Variants in TACC2 observed in about 807,000 individuals in gnomAD.
TACC2 encodes transforming acidic coiled-coil-containing protein 2.
TACC2 carries 137 observed loss-of-function variants against 227.3 expected under a neutral mutation model. The ratio of observed to expected loss-of-function variants is 0.60; its 90% CI spans 0.52 to 0.69. The LOEUF (loss-of-function observed/expected upper bound fraction) is 0.69. Ranked by LOEUF, TACC2 falls within the 30% of genes least tolerant of loss-of-function variation. The pLI is 0.00. For synonymous variants in TACC2, 1,523 were observed against 1,487.5 expected (o/e 1.02, Z -0.55); for missense variants, 3,470 against 3,694.4 (o/e 0.94, Z 1.57).
chr10:122,201,667 C>T (rs1427940243), intron 8 of TACC2, among the ~76,000 whole-genome samples: 1 of 152,208 alleles, frequency 6.6e-6, no homozygotes. Context: ...GCACAGTGGG[C>T]CATGGATGGA....
chr10:122,053,669 C>T (rs954414372), intron 3 of TACC2, among the ~76,000 whole-genome samples: 18 of 152,196 alleles, frequency 1.2e-4, no homozygotes, highest in Admixed American at 6.5e-4. Context: ...ACCCTCCCTG[C>T]TCATTCCCCT....
chr10:122,112,094 A>G (rs557104428), intron 5 of TACC2, among the ~76,000 whole-genome samples: 2 of 152,308 alleles, frequency 1.3e-5, no homozygotes, highest in East Asian at 1.9e-4. Context: ...GGAAGTGCTG[A>G]GTAATTTCTG....
At chr10:122,136,618 T>G (rs2089716493) in intron 6 of TACC2, among the ~76,000 whole-genome samples, 1 of 151,598 alleles carries the variant, frequency 6.6e-6, no homozygotes, top group South Asian at 2.1e-4. Flanking sequence ...AGTGGCACAG[T>G]CTGGGCTCAC....
At chr10:122,043,562 C>G (rs59003553) in intron 2 of TACC2, among the ~76,000 whole-genome samples, 13 of 96,350 alleles carry the variant, frequency 1.3e-4, no homozygotes, top group South Asian at 1.2e-3. Context: ...CTGTCTCTCT[C>G]TCTCTCTTTC....
rs139868428 is a variant in TACC2, at chr10:122,210,870, C to G, written c.6445C>G (p.Pro2149Ala). 105 of 1,613,578 alleles carry G rather than the reference C, an allele frequency of 6.5e-5. No homozygotes were observed. The highest frequency in any genetic ancestry group is 1.6e-4 in the Middle Eastern group (1 of 6,084). Residue 2149 changes from proline to alanine, a missense_variant, in exon 9 of 23, where the codon CCA becomes GCA. This residue lies in a region of TACC2 where 593 missense variants were observed against 636.6 expected (regional missense o/e 0.93). Coordinates refer to ENST00000369005, the MANE Select transcript of TACC2 (RefSeq NM_206862.4). The surrounding 1 kb of genome is among the most constrained non-coding windows in gnomAD (Gnocchi z 4.6). The part of the protein sequence containing the change: ...QTTKKPTETP[P>A]VKETQQEPDE... ...CACCAAGAAACCCACAGAGACCCCC[C>G]CAGTGAAGGAGACGCAACAGGAGCC...
chr10:122,098,588 C>G (rs2081755687), intron 5 of TACC2, among the ~76,000 whole-genome samples: 1 of 152,216 alleles, frequency 6.6e-6, no homozygotes, highest in Admixed American at 6.5e-5. Context: ...GGGTCCACCA[C>G]AGAGAGTTAT....
At chr10:122,207,215 C>A (rs1192132219) in intron 8 of TACC2, among the ~76,000 whole-genome samples, 1 of 151,916 alleles carries the variant, frequency 6.6e-6, no homozygotes, top group African/African-American at 2.4e-5. Context: ...AAGAGAATCA[C>A]TTCAACCTGA....
intron 16 of TACC2, among the ~76,000 whole-genome samples, chr10:122,233,290 G>T (rs1224111906): frequency 6.6e-6 from 1 of 152,214 alleles, no homozygotes; most frequent in Non-Finnish European, 1.5e-5. Context: ...ACTCAGCCAC[G>T]TCAGATAGAA....
At chr10:122,219,030 A>AAAAAAAAG (rs2095470506) in intron 11 of TACC2, among the ~76,000 whole-genome samples, 1 of 143,846 alleles carries the variant, frequency 7.0e-6, no homozygotes. Flanking sequence ...AAAAAAAAAA[A>AAAAAAAAG]AAAAAGAAAA....
At chr10:122,225,903 A>G (rs2095618579) in intron 12 of TACC2, among the ~76,000 whole-genome samples, 1 of 152,070 alleles carries the variant, frequency 6.6e-6, no homozygotes, top group Admixed American at 6.5e-5. Context: ...CATCACTGAG[A>G]GATGCCAGTC....
At chr10:122,089,420 C>G (rs71484699) in intron 5 of TACC2, among the ~76,000 whole-genome samples, 2,628 of 152,302 alleles carry the variant, frequency 0.017, 37 homozygotes, top group South Asian at 0.048. Context: ...CAGGAGATCT[C>G]GAGATTCAAG....
intron 7 of TACC2, among the ~76,000 whole-genome samples, chr10:122,170,459 CG>C (rs547579074): frequency 2.0e-5 from 3 of 151,708 alleles, no homozygotes; most frequent in African/African-American, 7.3e-5. Context: ...TTAGTAGAGA[CG>C]GGGTTTTAAT....
At chr10:122,252,500 T>C (rs1291328576) in intron 22 of TACC2, among the ~76,000 whole-genome samples, 3 of 151,802 alleles carry the variant, frequency 2.0e-5, no homozygotes, top group African/African-American at 4.8e-5. Flanking sequence ...TTCTTTCTTT[T>C]TTTTTTTTGA....
At chr10:122,143,217 A>G (rs2090889363) in intron 6 of TACC2, among the ~76,000 whole-genome samples, 1 of 152,208 alleles carries the variant, frequency 6.6e-6, no homozygotes, top group Non-Finnish European at 1.5e-5. Context: ...TGCCTATCAC[A>G]AACGAATAGA....
At chr10:122,151,192 A>G (rs2092004240) in intron 7 of TACC2, among the ~76,000 whole-genome samples, 1 of 152,214 alleles carries the variant, frequency 6.6e-6, no homozygotes, top group African/African-American at 2.4e-5. Flanking sequence ...AGAAAAATAC[A>G]ACATGATAAA....
At chr10:121,989,663 A>G (rs1015068392) in intron 1 of TACC2, among the ~76,000 whole-genome samples, 175 bp downstream of exon 1, 1 of 152,240 alleles carries the variant, frequency 6.6e-6, no homozygotes, top group African/African-American at 2.4e-5. Flanking sequence ...AGGTATTTTC[A>G]TCTACTGTGC....
intron 2 of TACC2, among the ~76,000 whole-genome samples, chr10:122,036,484 T>C (rs1960417734): frequency 6.9e-6 from 1 of 145,128 alleles, no homozygotes. Context: ...TGCGCCACCG[T>C]GCCTGGCAAT....
At chr10:122,036,662 G>A (rs778767418) in intron 2 of TACC2, among the ~76,000 whole-genome samples, 23 of 152,072 alleles carry the variant, frequency 1.5e-4, no homozygotes, top group African/African-American at 2.9e-4. Flanking sequence ...CATCACACCC[G>A]GCTAATTTTT....
chr10:122,075,958 A>G (rs2078750250), intron 3 of TACC2, among the ~76,000 whole-genome samples: 1 of 151,672 alleles, frequency 6.6e-6, no homozygotes. Flanking sequence ...TGCCACCACA[A>G]TTTTTGTATT....
Sources: allele counts gnomAD v4.1 joint callset (sites outside exome capture counted in the v4.1 genomes callset), GRCh38; gene constraint gnomAD v4.1.1; regional missense constraint gnomAD v4.1.1; non-coding constraint Gnocchi (gnomAD v3.1); transcripts MANE v1.5; gene names NCBI Gene and HGNC (gene_info 2026-07-23, HGNC 2026-07-21).